The following HNF1A variants were observed in gnomAD, a reference collection of about 807,000 sequenced individuals.
HNF1A encodes hepatocyte nuclear factor 1-alpha.
HNF1A carries 21 observed loss-of-function variants against 62.2 expected under a neutral mutation model. The ratio of observed to expected loss-of-function variants is 0.34; its 90% CI spans 0.24 to 0.49. HNF1A has a LOEUF of 0.49. Ranked by LOEUF, HNF1A falls within the 20% of genes least tolerant of loss-of-function variation. The pLI is 0.99. For synonymous variants in HNF1A, 374 were observed against 366.8 expected (o/e 1.02, Z -0.22); for missense variants, 687 against 832.3 (o/e 0.83, Z 2.15).
rs1877553393 is a variant in HNF1A at position 121,002,320 on chromosome 12, G to C, written c.*1128G>C. 2.2e-6 allele frequency: 1 copy of C among 449,800 alleles called. No homozygotes were observed. The highest frequency in any genetic ancestry group is 4.2e-6 in the Non-Finnish European group (1 of 236,758). The allele number at this position is 449,800 out of a possible 1,614,324, so 27.9% of individuals were successfully genotyped here. On this transcript the variant is annotated 3_prime_UTR_variant, in exon 10 of 10. Coordinates refer to ENST00000257555, the MANE Select transcript of HNF1A (RefSeq NM_000545.8). The stretch of plus-strand genomic sequence containing the variant: ...ACTGCCAGGAGGGACAAAGGAGCCT[G>C]TGAACCCAGGACAAGCATGGTCCCA...
At position 120,999,477 on chromosome 12, in the gene HNF1A, C is replaced by G; in HGVS notation, c.1624-6C>G. 1 of 1,613,882 alleles carries G rather than the reference C, an allele frequency of 6.2e-7. No homozygotes were observed. The highest frequency in any genetic ancestry group is 8.5e-7 in the Non-Finnish European group (1 of 1,179,996). On this transcript the variant is annotated splice_polypyrimidine_tract_variant and splice_region_variant and intron_variant, in intron 8 of 9. Transcript: ENST00000257555. ...CCGGGCTCAGGAGGCTGCTCTGCTCCCCCAGGTCTTCACCTCAGACACTGA... is the reference window on the plus strand; with the variant it reads ...CCGGGCTCAGGAGGCTGCTCTGCTCGCCCAGGTCTTCACCTCAGACACTGA...
At chr12:120,987,197 G>T (rs1464161927) in intron 1 of HNF1A, among the ~76,000 whole-genome samples, 1 of 152,044 alleles carries the variant, frequency 6.6e-6, no homozygotes, top group Non-Finnish European at 1.5e-5. Context: ...AGCCGCGGCC[G>T]GGCGCGGTGG....
chr12:120,999,565 G>A lies in HNF1A; in HGVS notation c.1706G>A (p.Ser569Asn), dbSNP rs752219487. The A allele has an allele frequency of 1.9e-5, 31 of 1,612,786 alleles. No homozygotes were observed. In the Admixed American group the frequency reaches 3.5e-4, roughly 18 times the overall value. Residue 569 changes from serine (S) to asparagine (N), a missense_variant, in exon 9 of 10, where the codon AGC becomes AAC. Transcript: ENST00000257555. ...CAGGCCACCACCCTCCACGTCCCCA[G>A]CCAGGACCCTGCCAGCATCCAGCAC... ...ASQATTLHVP[S>N]QDPASIQHLQ...
At chr12:120,988,773 GC>G in intron 1 of HNF1A, 59 bp from the exon 2 acceptor site, 1 of 1,524,222 alleles carries the variant, frequency 6.6e-7, no homozygotes, top group Non-Finnish European at 9.1e-7. Flanking sequence ...CAGGACCGCA[GC>G]CCCACCTATG....
At chr12:120,989,848 T>C (rs1229020340) in intron 2 of HNF1A, among the ~76,000 whole-genome samples, 1 of 152,142 alleles carries the variant, frequency 6.6e-6, no homozygotes, top group African/African-American at 2.4e-5. Context: ...ATATGACCTT[T>C]AGACTAGGTC....
Position 120,996,196 on chromosome 12 carries a change from GGGCTGTGGA to G in HNF1A, c.956-62_956-54del. 1 of 1,587,524 alleles carries G rather than the reference GGGCTGTGGA, an allele frequency of 6.3e-7. No homozygotes were observed. The highest frequency in any genetic ancestry group is 1.1e-5 in the South Asian group (1 of 90,442). ...AAACCAATGGAGTTTGAAGTGCTGA[GGGCTGTGGA>G]GGCAGGGGAGGGCAGGGAAGTGGGG... On this transcript the variant is annotated intron_variant, in intron 4 of 9. Coordinates refer to ENST00000257555, the MANE Select transcript of HNF1A (RefSeq NM_000545.8). The surrounding 1 kb of genome is among the most constrained non-coding windows in gnomAD (Gnocchi z 4.5).
rs1454879261 is a variant in HNF1A, at chr12:120,978,666, G to A, written c.-103G>A. On this transcript the variant is annotated 5_prime_UTR_variant, in exon 1 of 10. Transcript: ENST00000257555. ...TTTGGGGGGGCAGTGGGTGCAAGGAGTTTGGTTTGTGTCTGCCGGCCGGCA... is the reference window on the plus strand; with the variant it reads ...TTTGGGGGGGCAGTGGGTGCAAGGAATTTGGTTTGTGTCTGCCGGCCGGCA... 5.4e-6 allele frequency: 6 copies of A among 1,120,862 alleles called. No homozygotes were observed. The highest frequency in any genetic ancestry group is 8.1e-6 in the Non-Finnish European group (6 of 742,590). 69.4% of individuals were successfully genotyped at this position (1,120,862 alleles called of 1,614,324 possible). A position where few individuals can be genotyped will look rare whatever the true frequency, so the allele number is the denominator to read the frequency against.
Position 120,997,610 on chromosome 12 carries a change from C to A in HNF1A, c.1446C>A (p.Ser482Arg). ...YQQPLMPPVQ[S>R]HVTQSPFMAT... ...AGCCGCTCATGCCACCTGTGCAGAG[C>A]CATGTGACCCAGAGCCCCTTCATGG... Residue 482 changes from serine to arginine, a missense_variant, in exon 7 of 10, where the codon AGC becomes AGA. Ser to Arg is a moderately radical substitution (Grantham distance 110). Transcript: ENST00000257555. The A allele has an allele frequency of 6.2e-7, 1 of 1,613,678 alleles. No homozygotes were observed.
chr12:120,982,544 G>A (rs972530102), intron 1 of HNF1A, among the ~76,000 whole-genome samples: 20 of 152,150 alleles, frequency 1.3e-4, no homozygotes, highest in African/African-American at 4.8e-4. Context: ...TTTCTAGCTT[G>A]AGCAGGTGAT....
chr12:120,997,446 C>T (rs1426062794), intron 6 of HNF1A, 28 bp from the exon 7 acceptor site: 1 of 1,583,472 alleles, frequency 6.3e-7, no homozygotes, highest in Admixed American at 1.7e-5. Flanking sequence ...CTGGGGGGCC[C>T]AGCTGATTCC....
At chr12:120,987,607 T>C (rs2708086) in intron 1 of HNF1A, among the ~76,000 whole-genome samples, 135,248 of 150,154 alleles carry the variant, frequency 0.9, 60,887 homozygotes, top group East Asian at 1. Context: ...TATATATATA[T>C]ACACATATAT....
rs550898138 is a variant in HNF1A at position 120,981,995 on chromosome 12, G to A, written c.326+2901G>A. Among the ~76,000 whole-genome samples, 21 of 152,316 alleles carry A rather than the reference G, an allele frequency of 1.4e-4. No individual in the cohort carries two copies. In the South Asian group the frequency reaches 3.5e-3, roughly 26 times the overall value. On this transcript the variant is annotated intron_variant, in intron 1 of 9. Coordinates refer to ENST00000257555, the MANE Select transcript of HNF1A (RefSeq NM_000545.8). Reference sequence around the variant, plus strand: ...TGGCCAAGGGAGAAACTGGGACCCAGAGTTCCTTCCTGGGTGTCCTCCCGG... The same window carrying A: ...TGGCCAAGGGAGAAACTGGGACCCAAAGTTCCTTCCTGGGTGTCCTCCCGG...
At chr12:120,981,739 C>T (rs1266622659) in intron 1 of HNF1A, among the ~76,000 whole-genome samples, 2 of 152,210 alleles carry the variant, frequency 1.3e-5, no homozygotes, top group African/African-American at 4.8e-5. Context: ...CTGTTGTTCA[C>T]TTTCTCTGGT....
Position 120,993,543 on chromosome 12 carries a change from G to A in HNF1A, c.550G>A (p.Gly184Arg), listed in dbSNP as rs1452663012. 1 of 1,614,160 alleles carries A rather than the reference G, an allele frequency of 6.2e-7. No homozygotes were observed. The highest frequency in any genetic ancestry group is 1.1e-5 in the South Asian group (1 of 91,080). Residue 184 changes from glycine to arginine, a missense_variant, in exon 3 of 10, where the codon GGG (glycine) becomes AGG (arginine). Gly to Arg is a moderately radical substitution (Grantham distance 125). This residue lies in a region of HNF1A where 47 missense variants were observed against 52.5 expected (regional missense o/e 0.90). Transcript: ENST00000257555. Reference protein sequence around the residue: ...AQQFTHAGQGGLIEEPTGDEL... With the variant: ...AQQFTHAGQGRLIEEPTGDEL... ...AGAGTTCACCCATGCAGGGCAGGGA[G>A]GGCTGATTGAAGAGCCCACAGGTGA...
intron 1 of HNF1A, among the ~76,000 whole-genome samples, chr12:120,983,110 C>T (rs1379432304): frequency 6.6e-6 from 1 of 152,170 alleles, no homozygotes; most frequent in African/African-American, 2.4e-5. Context: ...CCCTGAAACC[C>T]CAGGGGCCAG....
In HNF1A at chr12:120,996,779, G is replaced by C. The variant is rs767376295; in HGVS notation, c.1309+37G>C. On this transcript the variant is annotated intron_variant, in intron 6 of 9. Coordinates refer to ENST00000257555, the MANE Select transcript of HNF1A (RefSeq NM_000545.8). This position sits in a 1 kb window ranked among gnomAD's most constrained non-coding sequence, Gnocchi z 4.5. ...GGGATGGGTGGGCACCTGGGTGGGA[G>C]GCTCATGGGGCAACCGCAGAATCCA... The C allele has an allele frequency of 6.2e-7, 1 of 1,608,956 alleles. No individual in the cohort carries two copies. The highest frequency in any genetic ancestry group is 1.1e-5 in the South Asian group (1 of 90,054).
At chr12:120,986,257 C>T (rs1049262692) in intron 1 of HNF1A, among the ~76,000 whole-genome samples, 1 of 152,164 alleles carries the variant, frequency 6.6e-6, no homozygotes, top group African/African-American at 2.4e-5. Context: ...TCTGCTCCAC[C>T]TGGGCACACA....
rs755710323 is a variant in HNF1A, at chr12:120,996,214, A to AG, written c.956-45dup. 1 of 1,608,296 alleles carries AG rather than the reference A, an allele frequency of 6.2e-7. No homozygotes were observed. Among genetic ancestry groups the AG allele is most frequent in the South Asian group, 1.1e-5 (1 of 90,916 alleles). ...GTGCTGAGGGCTGTGGAGGCAGGGGAGGGCAGGGAAGTGGGGTGCTGAGGC... is the reference window on the plus strand; with the variant it reads ...GTGCTGAGGGCTGTGGAGGCAGGGGAGGGGCAGGGAAGTGGGGTGCTGAGGC... On this transcript the variant is annotated intron_variant, in intron 4 of 9. Coordinates refer to ENST00000257555, the MANE Select transcript of HNF1A (RefSeq NM_000545.8). The surrounding 1 kb of genome is among the most constrained non-coding windows in gnomAD (Gnocchi z 4.5).
chr12:120,987,850 T>C (rs1565883107), intron 1 of HNF1A, among the ~76,000 whole-genome samples: 1 of 152,150 alleles, frequency 6.6e-6, no homozygotes, highest in Admixed American at 6.6e-5. Context: ...AAATGCACTT[T>C]TTTTCTTTTC....
Sources: gnomAD v4.1 joint callset for allele counts (sites outside exome capture counted in the v4.1 genomes callset) on GRCh38, gnomAD v4.1.1 for gene constraint, gnomAD v4.1.1 regional missense constraint, Gnocchi (gnomAD v3.1) non-coding constraint, MANE v1.5 for transcripts, NCBI Gene and HGNC (gene_info 2026-07-23, HGNC 2026-07-21) for gene names.